PEMT: variants seen among roughly 807,000 people sequenced by gnomAD.
The protein encoded by PEMT is phosphatidylethanolamine N-methyltransferase.
A neutral mutation model predicts 27.4 loss-of-function variants in PEMT; 23 were observed. That is an observed-to-expected ratio of 0.84 (90% confidence interval 0.60 to 1.19). The LOEUF is 1.19. PEMT is among the 50% of genes most tolerant of loss of function. The pLI is 0.00. For synonymous variants in PEMT, 137 were observed against 139.1 expected (o/e 0.98, Z 0.11); for missense variants, 307 against 310.1 (o/e 0.99, Z 0.07).
chr17:17,505,607 G>A lies in PEMT; in HGVS notation c.*184C>T, dbSNP rs971546467. The A allele has an allele frequency of 1.8e-5, 9 of 510,564 alleles. No homozygotes were observed. The highest frequency in any genetic ancestry group is 1.4e-4 in the East Asian group (4 of 29,018). 31.6% of individuals were successfully genotyped at this position (510,564 alleles called of 1,614,324 possible). A position where few individuals can be genotyped will look rare whatever the true frequency, so the allele number is the denominator to read the frequency against. On this transcript the variant is annotated 3_prime_UTR_variant, in exon 7 of 7. Coordinates refer to ENST00000255389, the MANE Select transcript of PEMT (RefSeq NM_148172.3). ...ATTGGTGAATGGGAATGTGTGGGTT[G>A]GAGCTCAATGGCCATATGTCGGCAC...
chr17:17,570,363 G>A, intron 2 of PEMT: 1 of 250,452 alleles, frequency 4.0e-6, no homozygotes, highest in Non-Finnish European at 6.4e-6. Flanking sequence ...GAACGCCCAG[G>A]CAGCCATGGC....
intron 2 of PEMT, among the ~76,000 whole-genome samples, chr17:17,533,715 G>A (rs889322231): frequency 6.8e-6 from 1 of 147,642 alleles, no homozygotes; most frequent in African/African-American, 2.5e-5. Context: ...ACTTCTGAAG[G>A]CAGTTCGGCA....
chr17:17,543,852 G>A (rs764203979), intron 2 of PEMT, among the ~76,000 whole-genome samples: 3 of 152,176 alleles, frequency 2.0e-5, no homozygotes, highest in South Asian at 2.1e-4. Context: ...CGTGAGCCAC[G>A]GCGCCCAGCC....
intron 1 of PEMT, among the ~76,000 whole-genome samples, chr17:17,588,151 CG>C (rs1468696992): frequency 3.3e-5 from 5 of 152,156 alleles, no homozygotes; most frequent in African/African-American, 1.2e-4. Context: ...TGAGCAGCCA[CG>C]GAAAGCCTCA....
At chr17:17,587,136 A>C (rs2142765776) in intron 1 of PEMT, among the ~76,000 whole-genome samples, 3 of 152,190 alleles carry the variant, frequency 2.0e-5, no homozygotes, top group Middle Eastern at 6.8e-3. Context: ...ATTACACCCA[A>C]AGCTGGTTCT....
chr17:17,511,182 T>C (rs1906360607), intron 4 of PEMT, among the ~76,000 whole-genome samples: 1 of 152,212 alleles, frequency 6.6e-6, no homozygotes, highest in East Asian at 1.9e-4. Context: ...TGCCAGCTAC[T>C]CTGCCCTCAA....
chr17:17,533,885 G>A (rs924550765), intron 2 of PEMT, among the ~76,000 whole-genome samples: 4 of 151,934 alleles, frequency 2.6e-5, no homozygotes, highest in East Asian at 1.9e-4. Context: ...TGCATGCCAC[G>A]ACACCCGGCT....
chr17:17,548,040 A>C (rs1909380802), intron 2 of PEMT, among the ~76,000 whole-genome samples: 1 of 152,324 alleles, frequency 6.6e-6, no homozygotes, highest in Admixed American at 6.5e-5. Flanking sequence ...TGCTGCACGC[A>C]CAGCAGCGGG....
chr17:17,569,837 G>A (rs991556476), intron 2 of PEMT, among the ~76,000 whole-genome samples: 1 of 152,200 alleles, frequency 6.6e-6, no homozygotes, highest in Admixed American at 6.5e-5. Flanking sequence ...GGCTCCCTCG[G>A]GACAACACAG....
intron 3 of PEMT, among the ~76,000 whole-genome samples, chr17:17,515,497 G>A (rs1906760551): frequency 6.6e-6 from 1 of 152,168 alleles, no homozygotes; most frequent in African/African-American, 2.4e-5. Flanking sequence ...AGCCTGGGCT[G>A]GCTCCTGGCA....
At chr17:17,522,256 C>T in intron 3 of PEMT, 24 bp downstream of exon 3, 3 of 1,548,108 alleles carry the variant, frequency 1.9e-6, no homozygotes, top group Non-Finnish European at 2.7e-6. Context: ...GGTTGTGGCT[C>T]CCCAGTGAGA....
At chr17:17,527,165 G>T (rs1907730371) in intron 2 of PEMT, among the ~76,000 whole-genome samples, 1 of 152,176 alleles carries the variant, frequency 6.6e-6, no homozygotes, top group Non-Finnish European at 1.5e-5. Context: ...AGCCTCCCGA[G>T]TAGCTGGGAT....
intron 2 of PEMT, among the ~76,000 whole-genome samples, chr17:17,568,894 G>A (rs938871981): frequency 1.6e-4 from 24 of 151,980 alleles, no homozygotes; most frequent in Non-Finnish European, 3.1e-4. Flanking sequence ...TGCCCACAGC[G>A]CCACCTACCG....
At chr17:17,574,315 C>CTTTTT (rs551467639) in intron 2 of PEMT, among the ~76,000 whole-genome samples, 7 of 110,706 alleles carry the variant, frequency 6.3e-5, no homozygotes, top group Admixed American at 5.8e-4. Context: ...CTTACTGCAT[C>CTTTTT]TTTTTTTTTT....
chr17:17,521,400 G>A (rs945903407), intron 3 of PEMT, among the ~76,000 whole-genome samples: 1 of 152,158 alleles, frequency 6.6e-6, no homozygotes, highest in Non-Finnish European at 1.5e-5. Context: ...CACATTCCAC[G>A]CAGGTGGGCC....
At position 17,582,255 on chromosome 17, in the gene PEMT, G is replaced by C; in HGVS notation, c.97-5228C>G. ...GGCCTCGGAATCTGACTAAAGGAAA[G>C]GAGCTACCCACCACGGCCAGGAGGT... On this transcript the variant is annotated intron_variant, in intron 1 of 6. Transcript: ENST00000255389. The surrounding 1 kb of genome is among the most constrained non-coding windows in gnomAD (Gnocchi z 4.9). 1 of 985,436 alleles carries C rather than the reference G, an allele frequency of 1.0e-6. No individual in the cohort carries two copies. Among genetic ancestry groups the C allele is most frequent in the Non-Finnish European group, 1.2e-6 (1 of 829,926 alleles). 61.0% of individuals were successfully genotyped at this position (985,436 alleles called of 1,614,324 possible). A position where few individuals can be genotyped will look rare whatever the true frequency, so the allele number is the denominator to read the frequency against.
At chr17:17,529,416 G>A (rs1649044395) in intron 2 of PEMT, among the ~76,000 whole-genome samples, 1 of 152,214 alleles carries the variant, frequency 6.6e-6, no homozygotes, top group Non-Finnish European at 1.5e-5. Context: ...CCTTCCACGT[G>A]ACACAGCCTG....
At chr17:17,531,878 A>G (rs1326704206) in intron 2 of PEMT, among the ~76,000 whole-genome samples, 1 of 152,186 alleles carries the variant, frequency 6.6e-6, no homozygotes, top group Non-Finnish European at 1.5e-5. Flanking sequence ...ATAACTTGAA[A>G]TTCACCAAAC....
At chr17:17,536,224 G>T (rs565794668) in intron 2 of PEMT, among the ~76,000 whole-genome samples, 1 of 152,220 alleles carries the variant, frequency 6.6e-6, no homozygotes, top group Non-Finnish European at 1.5e-5. Context: ...CACGGGGGAC[G>T]TCCGATAGTG....
Sources: allele counts gnomAD v4.1 joint callset (sites outside exome capture counted in the v4.1 genomes callset), GRCh38; gene constraint gnomAD v4.1.1; non-coding constraint Gnocchi (gnomAD v3.1); transcripts MANE v1.5; gene names NCBI Gene and HGNC (gene_info 2026-07-23, HGNC 2026-07-21).